Variants in TAB2 observed in about 807,000 individuals in gnomAD.
The protein encoded by TAB2 is TGF-beta activated kinase 1 (MAP3K7) binding protein 2.
A neutral mutation model predicts 65.0 loss-of-function variants in TAB2; 3 were observed. That is an observed-to-expected ratio of 0.05 (90% CI 0.02 to 0.12). The LOEUF (loss-of-function observed/expected upper bound fraction) is 0.12. Ranked by LOEUF, TAB2 falls within the 10% of genes least tolerant of loss-of-function variation. The pLI, the probability that TAB2 is intolerant of heterozygous loss-of-function variation, is 1.00. For missense variants in TAB2, 623 were observed against 840.3 expected, an observed-to-expected ratio of 0.74 and a Z score of 3.20; for synonymous variants, 298 against 285.1, an observed-to-expected ratio of 1.05 and a Z score of -0.46.
At chr6:149,239,001 G>C (rs1199434539) in intron 1 of TAB2, among the ~76,000 whole-genome samples, 3 of 152,194 alleles carry the variant, frequency 2.0e-5, no homozygotes, top group Non-Finnish European at 1.5e-5. Flanking sequence ...GTTTAGAAGA[G>C]AAGACAGCGG....
At chr6:149,346,088 T>A (rs921497469) in intron 1 of TAB2, among the ~76,000 whole-genome samples, 7 of 152,230 alleles carry the variant, frequency 4.6e-5, no homozygotes, top group Non-Finnish European at 7.3e-5. Flanking sequence ...TTAGATGCTT[T>A]AATTCATATA....
chr6:149,235,983 T>C (rs1330230204), intron 1 of TAB2, among the ~76,000 whole-genome samples: 1 of 152,144 alleles, frequency 6.6e-6, no homozygotes, highest in African/African-American at 2.4e-5. Flanking sequence ...AGAATGGATT[T>C]AAGGCACCCA....
chr6:149,400,282 C>T, intron 6 of TAB2: 1 of 1,239,996 alleles, frequency 8.1e-7, no homozygotes, highest in Non-Finnish European at 1.1e-6. Flanking sequence ...CCCTCTCCCT[C>T]ATCCACCGCT....
intron 1 of TAB2, among the ~76,000 whole-genome samples, chr6:149,277,476 T>C (rs1445180340): frequency 6.6e-6 from 1 of 152,096 alleles, no homozygotes; most frequent in African/African-American, 2.4e-5. Flanking sequence ...AGATAGAAAT[T>C]GGTTCATAAA....
At chr6:149,340,577 T>C (rs1278838873) in intron 1 of TAB2, among the ~76,000 whole-genome samples, 1 of 152,046 alleles carries the variant, frequency 6.6e-6, no homozygotes, top group Admixed American at 6.5e-5. Flanking sequence ...CTATAAGTAA[T>C]GAGATTTCAG....
intron 1 of TAB2, among the ~76,000 whole-genome samples, chr6:149,307,000 A>G (rs1779084591): frequency 6.6e-6 from 1 of 152,158 alleles, no homozygotes; most frequent in African/African-American, 2.4e-5. Context: ...TTTGTTTTCT[A>G]AACTTGGGAC....
chr6:149,296,325 C>A (rs566881290), intron 1 of TAB2, among the ~76,000 whole-genome samples: 1 of 152,280 alleles, frequency 6.6e-6, no homozygotes, highest in African/African-American at 2.4e-5. Context: ...CCACTCTGAG[C>A]AAGCTCTGGA....
At chr6:149,235,394 T>C (rs1777477458) in intron 1 of TAB2, among the ~76,000 whole-genome samples, 1 of 152,252 alleles carries the variant, frequency 6.6e-6, no homozygotes, top group African/African-American at 2.4e-5. Flanking sequence ...AGGAACGTGA[T>C]AGATGTCTTT....
intron 1 of TAB2, among the ~76,000 whole-genome samples, chr6:149,264,744 T>A (rs1242504299): frequency 1.3e-5 from 2 of 152,062 alleles, no homozygotes; most frequent in African/African-American, 4.8e-5. Context: ...GCAGGGATGG[T>A]GACAGGAACA....
chr6:149,283,125 C>T (rs191530688), intron 1 of TAB2, among the ~76,000 whole-genome samples: 4 of 152,350 alleles, frequency 2.6e-5, no homozygotes, highest in Admixed American at 2.0e-4. Flanking sequence ...GTGCGGGAGG[C>T]TCCCCGGGTG....
chr6:149,389,889 A>G (rs967049862), intron 3 of TAB2, among the ~76,000 whole-genome samples: 4 of 152,204 alleles, frequency 2.6e-5, no homozygotes, highest in African/African-American at 9.6e-5. Context: ...CAGTTATGCT[A>G]AAATGACTAA....
At chr6:149,221,898 A>C (rs1332704322) in intron 1 of TAB2, among the ~76,000 whole-genome samples, 1 of 152,186 alleles carries the variant, frequency 6.6e-6, no homozygotes, top group Middle Eastern at 3.2e-3. Flanking sequence ...GTTCTTGACC[A>C]CATAAATGTA....
At chr6:149,304,659 G>A (rs753562662) in intron 1 of TAB2, among the ~76,000 whole-genome samples, 5 of 152,232 alleles carry the variant, frequency 3.3e-5, no homozygotes, top group Admixed American at 1.3e-4. Flanking sequence ...TTACAAATAC[G>A]CAACACACAT....
At chr6:149,296,249 G>T (rs1051510969) in intron 1 of TAB2, among the ~76,000 whole-genome samples, 9 of 152,194 alleles carry the variant, frequency 5.9e-5, no homozygotes, top group Non-Finnish European at 2.9e-5. Flanking sequence ...CTTGCTTGTG[G>T]TTGACCCCCA....
intron 1 of TAB2, among the ~76,000 whole-genome samples, chr6:149,290,409 A>T (rs918413891): frequency 6.6e-6 from 1 of 152,154 alleles, no homozygotes; most frequent in African/African-American, 2.4e-5. Flanking sequence ...TTTTCTCAAT[A>T]ACAATTATCA....
At chr6:149,308,404 G>T (rs1473819270) in intron 1 of TAB2, among the ~76,000 whole-genome samples, 4 of 152,104 alleles carry the variant, frequency 2.6e-5, no homozygotes, top group African/African-American at 9.7e-5. Context: ...ATAAACAAAC[G>T]AAGAAAGAAA....
intron 1 of TAB2, among the ~76,000 whole-genome samples, chr6:149,324,443 C>A (rs1178725029): frequency 6.6e-6 from 1 of 152,064 alleles, no homozygotes; most frequent in African/African-American, 2.4e-5. Flanking sequence ...TTTACTCTCA[C>A]ATTGATATTA....
upstream of TAB2, among the ~76,000 whole-genome samples, chr6:149,314,194 A>G (rs1779211123): frequency 6.6e-6 from 1 of 152,204 alleles, no homozygotes; most frequent in South Asian, 2.1e-4. Flanking sequence ...TTAACTCTTC[A>G]TTATCTCTCA....
chr6:149,241,481 C>T (rs1156460103), intron 1 of TAB2, among the ~76,000 whole-genome samples: 1 of 152,170 alleles, frequency 6.6e-6, no homozygotes, highest in Non-Finnish European at 1.5e-5. Context: ...CCAATAAATG[C>T]TTGAAAAGGT....
Sources: allele counts gnomAD v4.1 joint callset (sites outside exome capture counted in the v4.1 genomes callset), GRCh38; gene constraint gnomAD v4.1.1; transcripts MANE v1.5; gene names NCBI Gene and HGNC (gene_info 2026-07-23, HGNC 2026-07-21).